The following ZFPM2 variants were observed in gnomAD, a reference collection of about 807,000 sequenced individuals.
The protein encoded by ZFPM2 is zinc finger protein, FOG family member 2.
ZFPM2 carries 20 observed loss-of-function variants against 98.6 expected under a neutral mutation model. The observed-to-expected ratio is 0.20, with a 90% CI of 0.14 to 0.29. The LOEUF is 0.29. Among genes scored for constraint, ZFPM2 ranks in the 10% least tolerant of loss-of-function variants. The probability of loss-of-function intolerance (pLI) is 1.00; values close to 1 mark genes in which losing one functional copy is unlikely to be tolerated. For synonymous variants in ZFPM2, 518 were observed against 502.7 expected, an observed-to-expected ratio of 1.03 and a Z score of -0.41; for missense variants, 1,310 against 1,388.6, an observed-to-expected ratio of 0.94 and a Z score of 0.90.
chr8:105,735,227 T>C (rs1462534254), intron 5 of ZFPM2, among the ~76,000 whole-genome samples: 1 of 150,706 alleles, frequency 6.6e-6, no homozygotes, highest in African/African-American at 2.4e-5. Flanking sequence ...TAACAAAGAA[T>C]AGAAAATGTG....
intron 3 of ZFPM2, among the ~76,000 whole-genome samples, chr8:105,478,193 G>A (rs1813049252): frequency 6.6e-6 from 1 of 152,168 alleles, no homozygotes; most frequent in South Asian, 2.1e-4. Flanking sequence ...GCAGCATCCA[G>A]CCCCGATACT....
intron 5 of ZFPM2, among the ~76,000 whole-genome samples, chr8:105,692,677 C>T (rs1810915702): frequency 6.6e-6 from 1 of 152,186 alleles, no homozygotes; most frequent in Admixed American, 6.5e-5. Flanking sequence ...ATTTACCAAA[C>T]TCCAGATAGG....
intron 2 of ZFPM2, among the ~76,000 whole-genome samples, chr8:105,442,211 G>T (rs1257905185): frequency 6.6e-6 from 1 of 151,750 alleles, no homozygotes; most frequent in Non-Finnish European, 1.5e-5. Flanking sequence ...GGGTGTGGTG[G>T]CAGGCGCCTG....
intron 3 of ZFPM2, among the ~76,000 whole-genome samples, chr8:105,478,849 C>T (rs536275511): frequency 6.6e-6 from 1 of 152,184 alleles, no homozygotes; most frequent in East Asian, 1.9e-4. Flanking sequence ...TTATCCTACT[C>T]TAGCAAGGAT....
At chr8:105,437,913 C>T (rs537619828) in intron 2 of ZFPM2, among the ~76,000 whole-genome samples, 4 of 151,946 alleles carry the variant, frequency 2.6e-5, no homozygotes, top group South Asian at 2.1e-4. Flanking sequence ...CATGGTGGTG[C>T]GCATCTGTAA....
At chr8:105,775,041 T>C (rs542623440) in intron 5 of ZFPM2, among the ~76,000 whole-genome samples, 4 of 142,708 alleles carry the variant, frequency 2.8e-5, no homozygotes, top group East Asian at 4.1e-4. Flanking sequence ...ACTTTTAAAC[T>C]GACTCCCTAG....
chr8:105,767,795 C>G (rs1314841744), intron 5 of ZFPM2, among the ~76,000 whole-genome samples: 1 of 151,870 alleles, frequency 6.6e-6, no homozygotes, highest in Non-Finnish European at 1.5e-5. Context: ...AACAGCTAAG[C>G]TTCCGTTGCT....
At chr8:105,512,171 A>G (rs1490785836) in intron 3 of ZFPM2, among the ~76,000 whole-genome samples, 1 of 152,194 alleles carries the variant, frequency 6.6e-6, no homozygotes, top group Non-Finnish European at 1.5e-5. Flanking sequence ...ACAAATGTAT[A>G]TTCTTGAAAT....
Position 105,802,673 on chromosome 8 carries a change from A to G in ZFPM2, c.2591A>G (p.Asn864Ser). The G allele has an allele frequency of 3.1e-6, 5 of 1,611,096 alleles. No homozygotes were observed. Among genetic ancestry groups the G allele is most frequent in the Non-Finnish European group, 3.4e-6 (4 of 1,178,622 alleles). ...TGCACTGTGTGCAAGATCAGTTTCA[A>G]TAAGGTAGAAAACTATCTGGCCCAC... ...HECTVCKISF[N>S]KVENYLAHKQ... Residue 864 changes from asparagine (N) to serine (S), a missense_variant, in exon 8 of 8, where the codon AAT becomes AGT. Physicochemically the swap from Asn to Ser is conservative, Grantham distance 46. Coordinates refer to ENST00000407775, the MANE Select transcript of ZFPM2 (RefSeq NM_012082.4).
At chr8:105,795,938 A>ATCTC (rs1188068860) in intron 6 of ZFPM2, 2 of 250,926 alleles carry the variant, frequency 8.0e-6, no homozygotes, top group South Asian at 4.3e-5. Flanking sequence ...ATACTTTAAA[A>ATCTC]TCTCTGAGAC....
intron 1 of ZFPM2, among the ~76,000 whole-genome samples, chr8:105,356,542 A>C (rs979225993): frequency 1.3e-5 from 2 of 152,196 alleles, no homozygotes; most frequent in Non-Finnish European, 2.9e-5. Context: ...GTTGCTTTTC[A>C]TCTTCAGGCC....
At chr8:105,588,482 C>G (rs1481971156) in intron 4 of ZFPM2, among the ~76,000 whole-genome samples, 1 of 151,648 alleles carries the variant, frequency 6.6e-6, no homozygotes, top group Admixed American at 6.6e-5. Context: ...ATTTTTATTT[C>G]TCTTCTCCCT....
At chr8:105,764,722 C>T (rs377182806) in intron 5 of ZFPM2, among the ~76,000 whole-genome samples, 2 of 151,264 alleles carry the variant, frequency 1.3e-5, no homozygotes, top group Non-Finnish European at 3.0e-5. Context: ...ATACTTGATG[C>T]GATTTCAGGG....
intron 5 of ZFPM2, among the ~76,000 whole-genome samples, chr8:105,696,452 G>A (rs948264998): frequency 6.6e-6 from 1 of 152,124 alleles, no homozygotes; most frequent in Non-Finnish European, 1.5e-5. Flanking sequence ...CTTTGAAACT[G>A]AGGATTATGA....
chr8:105,747,905 G>A (rs1199928615), intron 5 of ZFPM2, among the ~76,000 whole-genome samples: 2 of 152,070 alleles, frequency 1.3e-5, no homozygotes, highest in Non-Finnish European at 2.9e-5. Context: ...TTTCGTGGTT[G>A]AGCTGTTTTA....
chr8:105,627,502 A>G (rs1426303570), intron 4 of ZFPM2, among the ~76,000 whole-genome samples: 1 of 152,214 alleles, frequency 6.6e-6, no homozygotes, highest in Non-Finnish European at 1.5e-5. Context: ...TTACTGGAAA[A>G]GACTGCCTAG....
intron 3 of ZFPM2, among the ~76,000 whole-genome samples, chr8:105,506,097 G>T (rs962769738): frequency 1.3e-5 from 2 of 152,018 alleles, no homozygotes; most frequent in African/African-American, 4.8e-5. Flanking sequence ...AATAAATAAG[G>T]AAATAAAGCA....
At chr8:105,579,319 A>T (rs191821871) in intron 4 of ZFPM2, among the ~76,000 whole-genome samples, 1 of 152,302 alleles carries the variant, frequency 6.6e-6, no homozygotes, top group African/African-American at 2.4e-5. Context: ...GAAAGTAAAA[A>T]CTAGCCTTAA....
At chr8:105,787,174 C>G (rs144457737) in intron 5 of ZFPM2, 1 of 152,218 alleles carries the variant, frequency 6.6e-6, no homozygotes, top group South Asian at 2.1e-4. Flanking sequence ...AATACCACCA[C>G]TCACACTTTC....
Sources: allele counts gnomAD v4.1 joint callset (sites outside exome capture counted in the v4.1 genomes callset), GRCh38; gene constraint gnomAD v4.1.1; transcripts MANE v1.5; gene names NCBI Gene and HGNC (gene_info 2026-07-23, HGNC 2026-07-21).